MYO1D: variants seen among roughly 807,000 people sequenced by gnomAD.
MYO1D encodes the protein unconventional myosin-Id.
Under a neutral mutation model 122.0 loss-of-function variants are expected in MYO1D, and 83 were observed. That is an observed-to-expected ratio of 0.68 (90% CI 0.57 to 0.82). MYO1D has a LOEUF of 0.82. Ranked by LOEUF, MYO1D falls within the 40% of genes least tolerant of loss-of-function variation. The pLI is 0.00. For missense variants in MYO1D, 1,157 were observed against 1,269.5 expected (o/e 0.91, Z 1.35); for synonymous variants, 464 against 446.9 (o/e 1.04, Z -0.48).
chr17:32,609,367 G>A (rs1182872166), intron 20 of MYO1D, among the ~76,000 whole-genome samples: 1 of 152,190 alleles, frequency 6.6e-6, no homozygotes, highest in East Asian at 1.9e-4. Flanking sequence ...AGTGCCACAC[G>A]GCCTGTGGTA....
intron 21 of MYO1D, among the ~76,000 whole-genome samples, chr17:32,536,669 G>A (rs1910674906): frequency 6.6e-6 from 1 of 152,180 alleles, no homozygotes; most frequent in Admixed American, 6.5e-5. Context: ...ATTAATGATA[G>A]TATGAATAAG....
At chr17:32,714,105 T>C (rs191389113) in intron 15 of MYO1D, among the ~76,000 whole-genome samples, 2 of 151,998 alleles carry the variant, frequency 1.3e-5, no homozygotes, top group Non-Finnish European at 2.9e-5. Context: ...GTGTAGGATG[T>C]GCAGGTTTGT....
In MYO1D at chr17:32,607,312, A is replaced by G. The variant is rs900411275; in HGVS notation, c.2710-2071T>C. Among the ~76,000 whole-genome samples the G allele has an allele frequency of 2.0e-5, 3 of 152,350 alleles. No homozygotes were observed. The East Asian group carries it at 5.8e-4, about 29-fold the overall frequency. On this transcript the variant is annotated intron_variant, in intron 20 of 21. Transcript: ENST00000318217. ...CGCATCTAGTAAGGTCAAAGGATAC[A>G]AGGCTGACATACAAAAATATTTCTA...
intron 21 of MYO1D, among the ~76,000 whole-genome samples, chr17:32,530,830 A>G (rs761936774): frequency 9.9e-5 from 15 of 151,952 alleles, no homozygotes; most frequent in Non-Finnish European, 1.9e-4. Context: ...TTAATAAAAG[A>G]GTATCTCACC....
intron 1 of MYO1D, among the ~76,000 whole-genome samples, chr17:32,787,244 G>A (rs2090306386): frequency 6.6e-6 from 1 of 152,080 alleles, no homozygotes; most frequent in South Asian, 2.1e-4. Flanking sequence ...AGAAAAGTAA[G>A]CAAAATAATT....
At chr17:32,670,688 G>A (rs2088704158) in intron 16 of MYO1D, among the ~76,000 whole-genome samples, 1 of 152,092 alleles carries the variant, frequency 6.6e-6, no homozygotes, top group Non-Finnish European at 1.5e-5. Context: ...TTTACACCAT[G>A]TCCACTTTCG....
At chr17:32,524,564 CTTTTTTT>C (rs11323072) in intron 21 of MYO1D, among the ~76,000 whole-genome samples, 3 of 119,306 alleles carry the variant, frequency 2.5e-5, no homozygotes, top group Non-Finnish European at 3.4e-5. Flanking sequence ...CTGATTAATT[CTTTTTTT>C]TTTTTTTTTT....
chr17:32,587,643 T>C (rs778001083), intron 21 of MYO1D, among the ~76,000 whole-genome samples: 15 of 152,264 alleles, frequency 9.9e-5, no homozygotes, highest in Admixed American at 1.3e-4. Context: ...CAATTTTTGT[T>C]GGACGAACTA....
intron 16 of MYO1D, among the ~76,000 whole-genome samples, chr17:32,697,008 A>G: frequency 6.6e-6 from 1 of 152,164 alleles, no homozygotes; most frequent in East Asian, 1.9e-4. Context: ...AATCTAACAG[A>G]GTTAATTAAG....
intron 3 of MYO1D, among the ~76,000 whole-genome samples, chr17:32,776,892 C>T (rs2090177044): frequency 6.6e-6 from 1 of 152,194 alleles, no homozygotes. Flanking sequence ...TCTTCTTATA[C>T]AGGCATACCT....
chr17:32,774,605 T>C (rs1372998080), intron 4 of MYO1D, among the ~76,000 whole-genome samples: 1 of 152,212 alleles, frequency 6.6e-6, no homozygotes, highest in Admixed American at 6.5e-5. Context: ...GTTCCAAAAA[T>C]ACTGCTGTTA....
intron 21 of MYO1D, among the ~76,000 whole-genome samples, chr17:32,585,730 T>C (rs1597912692): frequency 8.0e-6 from 1 of 125,628 alleles, no homozygotes; most frequent in South Asian, 2.7e-4. Context: ...AGAGCAAGAA[T>C]CCGTCTCAAA....
intron 16 of MYO1D, among the ~76,000 whole-genome samples, chr17:32,671,416 G>C (rs1283274771): frequency 6.6e-6 from 1 of 152,216 alleles, no homozygotes; most frequent in East Asian, 1.9e-4. Flanking sequence ...ATATGATAAA[G>C]CAAATATAGT....
intron 19 of MYO1D, among the ~76,000 whole-genome samples, chr17:32,649,694 C>T (rs894646186): frequency 2.0e-5 from 3 of 151,742 alleles, no homozygotes; most frequent in Non-Finnish European, 4.4e-5. Flanking sequence ...GCTTCAGCCT[C>T]CCGAGCAGCT....
chr17:32,552,419 CCCATCCATCCATCCATCCAT>C (rs60290556), intron 21 of MYO1D, among the ~76,000 whole-genome samples: 1 of 143,500 alleles, frequency 7.0e-6, no homozygotes, highest in Non-Finnish European at 1.6e-5. Flanking sequence ...CATCCATCCA[CCCATCCATCCATCCATCCAT>C]CCATCCATCC....
chr17:32,831,646 T>C (rs2090772114), intron 1 of MYO1D, among the ~76,000 whole-genome samples: 1 of 152,250 alleles, frequency 6.6e-6, no homozygotes. Flanking sequence ...TAATTATTGA[T>C]GCAATACAAA....
intron 1 of MYO1D, among the ~76,000 whole-genome samples, chr17:32,825,438 T>A (rs2090712764): frequency 6.6e-6 from 1 of 152,116 alleles, no homozygotes; most frequent in Non-Finnish European, 1.5e-5. Context: ...ACTACAGGTA[T>A]GTGCCACCAC....
At chr17:32,873,728 T>C (rs1393545211) in intron 1 of MYO1D, among the ~76,000 whole-genome samples, 1 of 152,170 alleles carries the variant, frequency 6.6e-6, no homozygotes, top group African/African-American at 2.4e-5. Context: ...TTTTAATGTA[T>C]AAGTAAGTCA....
intron 20 of MYO1D, 61 bp downstream of exon 20, chr17:32,638,661 T>C (rs2088142245): frequency 1.8e-6 from 2 of 1,136,056 alleles, no homozygotes; most frequent in South Asian, 1.4e-5. Flanking sequence ...TATTGACCCA[T>C]TAGTGGTCCA....
Sources: allele counts gnomAD v4.1 joint callset (sites outside exome capture counted in the v4.1 genomes callset), GRCh38; gene constraint gnomAD v4.1.1; transcripts MANE v1.5; gene names NCBI Gene and HGNC (gene_info 2026-07-23, HGNC 2026-07-21).